The following RNF214 variants were observed in gnomAD, a reference collection of about 807,000 sequenced individuals.
The protein encoded by RNF214 is ring finger protein 214.
Under a neutral mutation model 75.9 loss-of-function variants are expected in RNF214, and 25 were observed. That is an observed-to-expected ratio of 0.33 (90% CI 0.24 to 0.46). The LOEUF (loss-of-function observed/expected upper bound fraction) is 0.46, where lower values mean the gene tolerates loss of function less well. Ranked by LOEUF, RNF214 falls within the 20% of genes least tolerant of loss-of-function variation. RNF214 has a pLI of 1.00. For missense variants in RNF214, 725 were observed against 857.5 expected (o/e 0.85, Z 1.93); for synonymous variants, 314 against 308.8 (o/e 1.02, Z -0.18).
At chr11:117,267,465 A>T (rs1414547467) in intron 6 of RNF214, among the ~76,000 whole-genome samples, 1 of 152,108 alleles carries the variant, frequency 6.6e-6, no homozygotes, top group Non-Finnish European at 1.5e-5. Flanking sequence ...TAATTTCAGC[A>T]GTTTGGGAGG....
chr11:117,247,871 A>T (rs1191868333), intron 6 of RNF214, among the ~76,000 whole-genome samples: 1 of 151,268 alleles, frequency 6.6e-6, no homozygotes, highest in Non-Finnish European at 1.5e-5. Context: ...AAAAAAAAAA[A>T]CAAAACAAAA....
intron 6 of RNF214, among the ~76,000 whole-genome samples, chr11:117,252,822 A>G (rs1432870268): frequency 6.6e-6 from 1 of 152,074 alleles, no homozygotes; most frequent in African/African-American, 2.4e-5. Context: ...ACCTGGCCTG[A>G]AATTTTTTTT....
intron 1 of RNF214, among the ~76,000 whole-genome samples, chr11:117,233,126 ACACTCGACCCTC>A (rs2032770094): frequency 6.6e-6 from 1 of 151,846 alleles, no homozygotes; most frequent in African/African-American, 2.4e-5. Flanking sequence ...TCTTTTTGGT[ACACTCGACCCTC>A]CAGCCAGCTG....
Position 117,281,958 on chromosome 11 carries a change from T to C in RNF214, c.1400T>C (p.Ile467Thr), listed in dbSNP as rs369438119. ...CTGGCTCCTCGGATGCCCTTCTCCATTGGGCAGGTCACAATGCCCATGGTT... is the reference window on the plus strand; with the variant it reads ...CTGGCTCCTCGGATGCCCTTCTCCACTGGGCAGGTCACAATGCCCATGGTT... Reference protein sequence around the residue: ...PSLAPRMPFSIGQVTMPMVMP... With the variant: ...PSLAPRMPFSTGQVTMPMVMP... The change falls in exon 11 of 15, where the codon ATT becomes ACT. Residue 467 changes from isoleucine (I) to threonine (T), a missense_variant. Coordinates refer to ENST00000300650, the MANE Select transcript of RNF214 (RefSeq NM_207343.4). 7.9e-5 allele frequency: 128 copies of C among 1,613,932 alleles called. No homozygotes were observed. The highest frequency in any genetic ancestry group is 9.9e-5 in the Non-Finnish European group (117 of 1,179,924).
intron 6 of RNF214, among the ~76,000 whole-genome samples, chr11:117,267,140 A>T (rs1006245914): frequency 1.3e-5 from 2 of 152,084 alleles, no homozygotes; most frequent in African/African-American, 4.8e-5. Flanking sequence ...CATTCTCTAT[A>T]AGTGATTTTA....
intron 2 of RNF214, among the ~76,000 whole-genome samples, 162 bp from the exon 3 acceptor site, chr11:117,238,439 A>G (rs57471964): frequency 0.029 from 4,370 of 152,282 alleles, 95 homozygotes; most frequent in Non-Finnish European, 0.044. Flanking sequence ...CTAGGTCTTA[A>G]CCACCAGGCT....
chr11:117,239,111 G>T lies in RNF214; in HGVS notation c.618G>T (p.Gln206His). ...AGCTTTCTCAGAACATTGCTGTACA[G>T]GTCAAGTGTCAAGTTTCTACTACTA... is the stretch of plus-strand genomic sequence containing the variant. The part of the protein sequence containing the change: ...SLKLSQNIAV[Q>H]TDFKTADSEV... Residue 206 changes from glutamine (Q) to histidine (H), a missense_variant and splice_region_variant, in exon 3 of 15, where the codon CAG becomes CAT. Physicochemically the swap from Gln to His is conservative, Grantham distance 24 (BLOSUM62 0). Coordinates refer to ENST00000300650, the MANE Select transcript of RNF214 (RefSeq NM_207343.4). The T allele has an allele frequency of 6.3e-7, 1 of 1,594,268 alleles. No homozygotes were observed. The highest frequency in any genetic ancestry group is 8.6e-7 in the Non-Finnish European group (1 of 1,168,910).
chr11:117,260,022 C>T (rs1457680865), intron 6 of RNF214, among the ~76,000 whole-genome samples: 6 of 151,928 alleles, frequency 3.9e-5, no homozygotes, highest in Non-Finnish European at 7.4e-5. Flanking sequence ...TTGTTATGGA[C>T]GCTTTATCAT....
intron 6 of RNF214, among the ~76,000 whole-genome samples, chr11:117,248,221 G>T (rs1351910307): frequency 6.6e-6 from 1 of 152,022 alleles, no homozygotes; most frequent in Non-Finnish European, 1.5e-5. Flanking sequence ...GACTACAGGC[G>T]CCCGCCACCA....
At chr11:117,258,173 A>G (rs1214908690) in intron 6 of RNF214, among the ~76,000 whole-genome samples, 6 of 151,862 alleles carry the variant, frequency 4.0e-5, no homozygotes, top group African/African-American at 7.3e-5. Flanking sequence ...GGTTCAAGCA[A>G]TTCTCCTGCC....
intron 6 of RNF214, among the ~76,000 whole-genome samples, chr11:117,253,202 G>A (rs538955362): frequency 1.3e-5 from 2 of 152,180 alleles, no homozygotes; most frequent in East Asian, 3.9e-4. Flanking sequence ...TGTAGAGACT[G>A]GATCTCAGTT....
chr11:117,233,374 G>A (rs1565324858), intron 1 of RNF214, among the ~76,000 whole-genome samples: 1 of 152,154 alleles, frequency 6.6e-6, no homozygotes, highest in African/African-American at 2.4e-5. Context: ...TGACTGAGGT[G>A]TTGACACAGC....
chr11:117,283,355 TTTTTG>T, intron 14 of RNF214, 145 bp downstream of exon 14: 2 of 643,250 alleles, frequency 3.1e-6, no homozygotes, highest in Non-Finnish European at 2.7e-6. Flanking sequence ...ATTAATATCT[TTTTTG>T]TTTTGTTTTG....
At chr11:117,264,593 G>A (rs192178142) in intron 6 of RNF214, among the ~76,000 whole-genome samples, 22 of 152,058 alleles carry the variant, frequency 1.4e-4, no homozygotes, top group African/African-American at 4.8e-4. Context: ...TGATAAGTTG[G>A]CTATTTTGTC....
chr11:117,282,078 A>G lies in RNF214; in HGVS notation c.1520A>G (p.His507Arg), dbSNP rs1342703614. The change falls in exon 11 of 15, where the codon CAT becomes CGT. Residue 507 changes from histidine to arginine, a missense_variant. This residue lies in a region of RNF214 where 363 missense variants were observed against 513.0 expected (regional missense o/e 0.71). Coordinates refer to ENST00000300650, the MANE Select transcript of RNF214 (RefSeq NM_207343.4). ...CCTTCCTCACCCCTTCCTGGCTCCC[A>G]TGGCAGAAATAGCCCTGGCTTGGGT... ...SQPSSPLPGS[H>R]GRNSPGLGSL... The G allele has an allele frequency of 1.1e-5, 17 of 1,613,676 alleles. No homozygotes were observed. Among genetic ancestry groups the G allele is most frequent in the Non-Finnish European group, 1.2e-5 (14 of 1,179,966 alleles).
At chr11:117,282,383 C>T (rs2034146548) in intron 11 of RNF214, 21 bp from the exon 12 acceptor site, 3 of 1,612,326 alleles carry the variant, frequency 1.9e-6, no homozygotes, top group East Asian at 2.2e-5. Flanking sequence ...CTTTCTCTCC[C>T]TCAACATTTT....
intron 8 of RNF214, 26 bp downstream of exon 8, chr11:117,280,285 T>G (rs763109464): frequency 2.7e-6 from 4 of 1,486,012 alleles, no homozygotes; most frequent in Non-Finnish European, 3.7e-6. Flanking sequence ...TTCTAGAGCT[T>G]TAATTGTTTT....
chr11:117,261,791 G>T (rs1397472761), intron 6 of RNF214, among the ~76,000 whole-genome samples: 1 of 151,244 alleles, frequency 6.6e-6, no homozygotes, highest in Non-Finnish European at 1.5e-5. Flanking sequence ...GATTACTGGT[G>T]CCTGCCACCA....
Position 117,286,321 on chromosome 11 carries a change from T to TAA in RNF214, c.*1171_*1172dup, listed in dbSNP as rs1416360840. 1 of 152,268 alleles carries TAA rather than the reference T, an allele frequency of 6.6e-6. No individual in the cohort carries two copies. The highest frequency in any genetic ancestry group is 6.5e-5 in the Admixed American group (1 of 15,286). The allele number at this position is 152,268 out of a possible 1,614,324, so 9.4% of individuals were successfully genotyped here. ...TTCCACCTCTGCTTATTGTACTTCT[T>TAA]AATTTTAGGTTTTATACCTGGGAAA... On this transcript the variant is annotated 3_prime_UTR_variant, in exon 15 of 15. Transcript: ENST00000300650.
Sources: gnomAD v4.1 joint callset for allele counts (sites outside exome capture counted in the v4.1 genomes callset) on GRCh38, gnomAD v4.1.1 for gene constraint, gnomAD v4.1.1 regional missense constraint, MANE v1.5 for transcripts, NCBI Gene and HGNC (gene_info 2026-07-23, HGNC 2026-07-21) for gene names.